The following PSG9 variants were observed in gnomAD, a reference collection of about 807,000 sequenced individuals.
PSG9 encodes pregnancy-specific beta-1-glycoprotein 9.
In PSG9, 49 loss-of-function variants were observed where a neutral mutation model predicts 41.9. The observed-to-expected ratio is 1.17, with a 90% CI of 0.93 to 1.48. The LOEUF (loss-of-function observed/expected upper bound fraction) is 1.48. Ranked by LOEUF, PSG9 falls within the 40% of genes most tolerant of loss-of-function variation. The probability of loss-of-function intolerance (pLI) is 0.00; values close to 1 mark genes in which losing one functional copy is unlikely to be tolerated. For synonymous variants in PSG9, 263 were observed against 196.8 expected, an observed-to-expected ratio of 1.34 and a Z score of -2.82; for missense variants, 641 against 520.3, an observed-to-expected ratio of 1.23 and a Z score of -2.26.
chr19:43,267,246 C>T (rs1215512443), intron 2 of PSG9, among the ~76,000 whole-genome samples: 1 of 152,114 alleles, frequency 6.6e-6, no homozygotes, highest in Non-Finnish European at 1.5e-5. Context: ...AGGGCTGAGC[C>T]CTGGCTGGTG....
chr19:43,259,734 T>C (rs1968621174), intron 3 of PSG9: 1 of 150,970 alleles, frequency 6.6e-6, no homozygotes, highest in South Asian at 2.0e-4. Context: ...GGGGCAGTTT[T>C]TTGCAGGTGT....
Position 43,253,642 on chromosome 19 carries a change from G to T in PSG9, c.1248C>A (p.Pro416=). Residue 416 remains proline (P), a synonymous_variant, in exon 6 of 6, where the codon CCC becomes CCA. Coordinates refer to ENST00000270077, the MANE Select transcript of PSG9 (RefSeq NM_002784.5). ...SKSMTVKVSG[P]CHGDLTESQS ...GAGACTCTGTCAGGTCTCCATGGCA[G>T]GGACCTGATTGACAGAAGGCCCAGG... 8.6e-7 allele frequency: 1 copy of T among 1,167,006 alleles called. No homozygotes were observed. The highest frequency in any genetic ancestry group is 1.3e-6 in the Non-Finnish European group (1 of 797,916). 72.3% of individuals were successfully genotyped at this position (1,167,006 alleles called of 1,614,324 possible). A position where few individuals can be genotyped will look rare whatever the true frequency, so the allele number is the denominator to read the frequency against.
At position 43,269,368 on chromosome 19, in the gene PSG9, C is replaced by G. The variant is rs1324586451; in HGVS notation, c.64G>C (p.Ala22Pro). Residue 22 changes from alanine (A) to proline (P), a missense_variant and splice_region_variant, in exon 1 of 6, where the codon GCA becomes CCA. Transcript: ENST00000270077. The part of the protein sequence containing the change: ...RITWKGLLLT[A>P]SLLNFWNPPT... ...CTCTCCCAGGAAGTTCTCTCCTCACCTGTGAGCAGGAGCCCCTTCCAGGTG... is the reference window on the plus strand; with the variant it reads ...CTCTCCCAGGAAGTTCTCTCCTCACGTGTGAGCAGGAGCCCCTTCCAGGTG... 6.2e-7 allele frequency: 1 copy of G among 1,613,562 alleles called. No homozygotes were observed. Among genetic ancestry groups the G allele is most frequent in the South Asian group, 1.1e-5 (1 of 91,074 alleles).
chr19:43,265,480 G>T (rs1968922972), intron 2 of PSG9, among the ~76,000 whole-genome samples: 2 of 152,122 alleles, frequency 1.3e-5, no homozygotes, highest in African/African-American at 4.8e-5. Flanking sequence ...CCTGGAGGCA[G>T]ATTCAAGCAC....
chr19:43,262,772 A>T (rs1227212398), intron 2 of PSG9, among the ~76,000 whole-genome samples: 11 of 152,138 alleles, frequency 7.2e-5, no homozygotes. Context: ...GACTTGAGCC[A>T]GTGACCTCTA....
rs1968736491 is a variant in PSG9, at chr19:43,261,934, G to A, written c.635C>T (p.Ala212Val). 12 of 1,614,062 alleles carry A rather than the reference G, an allele frequency of 7.4e-6. No individual in the cohort carries two copies. Among genetic ancestry groups the A allele is most frequent in the Non-Finnish European group, 1.0e-5 (12 of 1,179,924 alleles). Residue 212 changes from alanine to valine, a missense_variant, in exon 3 of 6, where the codon GCA (alanine) becomes GTA (valine). By Grantham distance (64) the Ala-to-Val change is moderately conservative. Coordinates refer to ENST00000270077, the MANE Select transcript of PSG9 (RefSeq NM_002784.5). ...LYLFGVTKYI[A>V]GPYECEIRNP... ...CCGTATTTCACATTCATAGGGTCCT[G>A]CAATATACTTTGTGACACCAAATAG...
intron 1 of PSG9, among the ~76,000 whole-genome samples, chr19:43,268,352 G>C (rs542317522): frequency 2.6e-5 from 4 of 152,170 alleles, no homozygotes; most frequent in African/African-American, 9.6e-5. Flanking sequence ...ACTAGGTCAA[G>C]GTCAGCAGCA....
Position 43,269,524 on chromosome 19 carries a change from C to G in PSG9, c.-93G>C. On this transcript the variant is annotated 5_prime_UTR_variant, in exon 1 of 6. Coordinates refer to ENST00000270077, the MANE Select transcript of PSG9 (RefSeq NM_002784.5). The stretch of plus-strand genomic sequence containing the variant: ...GCTGTCAGCTGTGCTGTCCTTCCTC[C>G]TTCTGTGCTGAGCCTCTTCCCGGGG... The G allele has an allele frequency of 6.4e-7, 1 of 1,563,668 alleles. No individual in the cohort carries two copies. Among genetic ancestry groups the G allele is most frequent in the Non-Finnish European group, 8.7e-7 (1 of 1,144,606 alleles).
chr19:43,257,860 G>A lies in PSG9; in HGVS notation c.1243+342C>T, dbSNP rs1063024. ...GGAATAGGTACAAGAAAAAAAAGAC[G>A]TGGCAGAAGGGGATGTGTCGGTGAC... is the stretch of plus-strand genomic sequence containing the variant. On this transcript the variant is annotated intron_variant, in intron 5 of 5. Coordinates refer to ENST00000270077, the MANE Select transcript of PSG9 (RefSeq NM_002784.5). The A allele has an allele frequency of 6.3e-5, 87 of 1,375,694 alleles. 12 individuals carry two copies. In the African/African-American group the frequency reaches 9.9e-4, roughly 16 times the overall value. The allele number at this position is 1,375,694 out of a possible 1,614,324, so 85.2% of individuals were successfully genotyped here.
At position 43,261,843 on chromosome 19, in the gene PSG9, G is replaced by A. The variant is rs1968728969; in HGVS notation, c.709+17C>T. ...TGGGATGGCAGCCTGGCTCACAGAG[G>A]AACAGAAGATACTCACGGAGGAGAT... is the stretch of plus-strand genomic sequence containing the variant. On this transcript the variant is annotated intron_variant, in intron 3 of 5. Transcript: ENST00000270077. 6.2e-7 allele frequency: 1 copy of A among 1,613,944 alleles called. No homozygotes were observed. Among genetic ancestry groups the A allele is most frequent in the Non-Finnish European group, 8.5e-7 (1 of 1,179,934 alleles).
Position 43,259,139 on chromosome 19 carries a change from T to A in PSG9, c.710-4A>T, listed in dbSNP as rs754822265. 1 of 1,589,754 alleles carries A rather than the reference T, an allele frequency of 6.3e-7. No individual in the cohort carries two copies. Among genetic ancestry groups the A allele is most frequent in the Non-Finnish European group, 8.5e-7 (1 of 1,173,850 alleles). ...ATGTAGGGGATGGGCAGCTTCGCTG[T>A]GTGGATAACAGAGAGAAGATTGTCC... is the stretch of plus-strand genomic sequence containing the variant. On this transcript the variant is annotated splice_region_variant and splice_polypyrimidine_tract_variant and intron_variant, in intron 3 of 5. Transcript: ENST00000270077.
chr19:43,261,488 C>T (rs1261298143), intron 3 of PSG9, among the ~76,000 whole-genome samples: 9 of 152,106 alleles, frequency 5.9e-5, no homozygotes, highest in Admixed American at 2.0e-4. Flanking sequence ...ATGTCACAAG[C>T]GATATTGTCA....
chr19:43,258,185 T>A lies in PSG9; in HGVS notation c.1243+17A>T, dbSNP rs775380278. On this transcript the variant is annotated intron_variant, in intron 5 of 5. Transcript: ENST00000270077. ...CCACATAAAACCCTACTGCCAAGGA[T>A]GCTGGGATCCACTTACCAGAGACTT... is the stretch of plus-strand genomic sequence containing the variant. 1 of 1,592,608 alleles carries A rather than the reference T, an allele frequency of 6.3e-7. No individual in the cohort carries two copies. The highest frequency in any genetic ancestry group is 1.7e-5 in the Admixed American group (1 of 58,664).
Position 43,261,988 on chromosome 19 carries a change from T to G in PSG9, c.581A>C (p.Gln194Pro). 6.2e-7 allele frequency: 1 copy of G among 1,614,070 alleles called. No homozygotes were observed. The change falls in exon 3 of 6, where the codon CAG becomes CCG. Residue 194 changes from glutamine (Q) to proline (P), a missense_variant. Gln to Pro is a moderately conservative substitution (Grantham distance 76, BLOSUM62 -1). Coordinates refer to ENST00000270077, the MANE Select transcript of PSG9 (RefSeq NM_002784.5). Reference protein sequence around the residue: ...GQSLPVTHRLQLSKTNRTLYL... With the variant: ...GQSLPVTHRLPLSKTNRTLYL... ...GAGGGTCCTGTTGGTTTTGGACAGC[T>G]GCAACCTGTGAGTCACAGGGAGGCT...
At chr19:43,255,633 A>G (rs377544945) in intron 5 of PSG9, among the ~76,000 whole-genome samples, 1 of 147,068 alleles carries the variant, frequency 6.8e-6, no homozygotes, top group African/African-American at 2.6e-5. Flanking sequence ...ACCTAATTAG[A>G]ATTAATAAAT....
In PSG9 at chr19:43,259,111, G is replaced by C; in HGVS notation, c.734C>G (p.Thr245Ser). The change falls in exon 4 of 6, where the codon ACC (threonine) becomes AGC (serine). Residue 245 changes from threonine (T) to serine (S), a missense_variant. Coordinates refer to ENST00000270077, the MANE Select transcript of PSG9 (RefSeq NM_002784.5). ...LLPKLPIPYI[T>S]INNLNPRENK... Reference sequence around the variant, plus strand: ...CTCCCTGGGGTTTAAGTTGTTGATGGTGATGTAGGGGATGGGCAGCTTCGC... The same window carrying C: ...CTCCCTGGGGTTTAAGTTGTTGATGCTGATGTAGGGGATGGGCAGCTTCGC... The C allele has an allele frequency of 6.3e-7, 1 of 1,590,720 alleles. No individual in the cohort carries two copies. Among genetic ancestry groups the C allele is most frequent in the Non-Finnish European group, 8.5e-7 (1 of 1,174,384 alleles).
At chr19:43,259,342 G>A in intron 3 of PSG9, 1 of 1,012,702 alleles carries the variant, frequency 9.9e-7, no homozygotes, top group Non-Finnish European at 1.4e-6. Flanking sequence ...GGGAAGCACA[G>A]ACTTTCTCAA....
At chr19:43,265,710 T>TG (rs1968934321) in intron 2 of PSG9, among the ~76,000 whole-genome samples, 1 of 152,098 alleles carries the variant, frequency 6.6e-6, no homozygotes, top group African/African-American at 2.4e-5. Flanking sequence ...AATAATTTTT[T>TG]TTGTGTGTGT....
chr19:43,256,608 C>T (rs10412161), intron 5 of PSG9, among the ~76,000 whole-genome samples: 62,921 of 145,104 alleles, frequency 0.43, 18,346 homozygotes, highest in East Asian at 0.89. Context: ...TCACGAATAC[C>T]TGGAGATATG....
Sources: gnomAD v4.1 joint callset for allele counts (sites outside exome capture counted in the v4.1 genomes callset) on GRCh38, gnomAD v4.1.1 for gene constraint, MANE v1.5 for transcripts, NCBI Gene and HGNC (gene_info 2026-07-23, HGNC 2026-07-21) for gene names.